TSPAN10: variants seen among roughly 807,000 people sequenced by gnomAD.
The protein encoded by TSPAN10 is tetraspanin 10, also known as tetraspanin-10.
TSPAN10 carries 11 observed loss-of-function variants against 15.0 expected under a neutral mutation model. The ratio of observed to expected loss-of-function variants is 0.73; its 90% CI spans 0.46 to 1.21. The LOEUF (loss-of-function observed/expected upper bound fraction) is 1.21. TSPAN10 is among the 50% of genes most tolerant of loss of function. The pLI is 0.00. For missense variants in TSPAN10, 486 were observed against 470.6 expected (o/e 1.03, Z -0.30); for synonymous variants, 241 against 226.2 (o/e 1.07, Z -0.59).
chr17:81,637,216 T>C (rs989368277), exon 1 of TSPAN10: 4 of 467,472 alleles, frequency 8.6e-6, no homozygotes, highest in African/African-American at 8.1e-5. Context: ...TCCCTGCAAC[T>C]GGAGGAGGGG....
intron 2 of TSPAN10, among the ~76,000 whole-genome samples, chr17:81,646,927 G>T: frequency 6.6e-6 from 1 of 151,738 alleles, no homozygotes; most frequent in East Asian, 2.0e-4. Flanking sequence ...TCACTGTAAA[G>T]AGGGTAGCTG....
chr17:81,644,696 C>T (rs544729284), intron 1 of TSPAN10, among the ~76,000 whole-genome samples: 1 of 152,342 alleles, frequency 6.6e-6, no homozygotes, highest in East Asian at 1.9e-4. Flanking sequence ...CACTGAGCAC[C>T]GCCCTGCTTG....
chr17:81,637,218 G>C (rs2036111303), exon 1 of TSPAN10: 1 of 483,068 alleles, frequency 2.1e-6, no homozygotes, highest in Non-Finnish European at 3.7e-6. Flanking sequence ...CCTGCAACTG[G>C]AGGAGGGGAT....
At chr17:81,645,691 G>C in intron 2 of TSPAN10, 62 bp downstream of exon 3, 1 of 1,588,572 alleles carries the variant, frequency 6.3e-7, no homozygotes, top group Non-Finnish European at 8.6e-7. Flanking sequence ...ACACACCCTT[G>C]TGCGTGTACA....
chr17:81,646,045 GCCAGGAGGA>G (rs1302507086), intron 2 of TSPAN10: 2 of 301,392 alleles, frequency 6.6e-6, no homozygotes, highest in Non-Finnish European at 1.2e-5. Context: ...CCCCGCCAGG[GCCAGGAGGA>G]CTACCCAGGA....
At chr17:81,648,055 G>A in exon 3 of TSPAN10, 3 of 1,577,240 alleles carry the variant, frequency 1.9e-6, no homozygotes, top group Non-Finnish European at 2.6e-6. Flanking sequence ...GGTGTACCTG[G>A]AGGGCTGCGG....
At chr17:81,642,537 C>A in intron 1 of TSPAN10, 89 bp downstream of exon 2, 1 of 1,364,348 alleles carries the variant, frequency 7.3e-7, no homozygotes, top group Non-Finnish European at 1.0e-6. Flanking sequence ...GGTTCACACC[C>A]ACCCCTGCCC....
At chr17:81,646,844 G>GGTTT (rs202083609) in intron 2 of TSPAN10, among the ~76,000 whole-genome samples, 1 of 60,942 alleles carries the variant, frequency 1.6e-5, no homozygotes, top group Non-Finnish European at 3.2e-5. Context: ...TCTTTTTGTT[G>GGTTT]GTTTGTTTGT....
At chr17:81,644,880 G>C in intron 1 of TSPAN10, 112 bp from the exon 3 acceptor site, 1 of 1,459,482 alleles carries the variant, frequency 6.9e-7, no homozygotes, top group African/African-American at 1.4e-5. Flanking sequence ...TCCGCCATCC[G>C]GCATCCTCCC....
At chr17:81,648,204 G>C in exon 3 of TSPAN10, 2 of 1,374,420 alleles carry the variant, frequency 1.5e-6, no homozygotes. Flanking sequence ...GGGGGGCGGC[G>C]TACGGCCCCG....
At chr17:81,641,038 G>A (rs145110111), upstream of TSPAN10, among the ~76,000 whole-genome samples, 3 of 152,058 alleles carry the variant, frequency 2.0e-5, no homozygotes, top group East Asian at 2.0e-4. Flanking sequence ...CAGGTGTGGC[G>A]CCTGCAATCC....
chr17:81,644,398 C>T (rs965792936), intron 1 of TSPAN10, among the ~76,000 whole-genome samples: 1 of 101,688 alleles, frequency 9.8e-6, no homozygotes, highest in African/African-American at 4.4e-5. Flanking sequence ...GTGCCGTGTC[C>T]ACACTCAGTG....
chr17:81,647,964 C>T (rs993787078), exon 3 of TSPAN10: 2 of 1,610,942 alleles, frequency 1.2e-6, no homozygotes, highest in East Asian at 2.2e-5. Flanking sequence ...GCTGCATCGA[C>T]CCCCGCGAAG....
intron 1 of TSPAN10, among the ~76,000 whole-genome samples, chr17:81,643,719 G>A (rs1265175856): frequency 6.6e-6 from 1 of 152,134 alleles, no homozygotes; most frequent in East Asian, 1.9e-4. Context: ...GGAGTTTGAG[G>A]CTGCAGTGAG....
exon 2 of TSPAN10, chr17:81,645,140 A>G (rs754286284): frequency 6.4e-7 from 1 of 1,573,396 alleles, no homozygotes; most frequent in Non-Finnish European, 8.6e-7. Flanking sequence ...GGCACCCCCA[A>G]GAAAGGACCA....
Position 81,647,963 on chromosome 17 carries a change from A to ATGGAG in TSPAN10, c.737_738insTGGAG (p.Pro247GlyfsTer?). 6.2e-7 allele frequency: 1 copy of ATGGAG among 1,610,344 alleles called. No homozygotes were observed. The highest frequency in any genetic ancestry group is 1.3e-5 in the African/African-American group (1 of 74,908). On this transcript the variant is annotated frameshift_variant, in exon 3 of 3. Coordinates refer to ENST00000611590, the Ensembl canonical transcript of TSPAN10. LOFTEE classifies it low-confidence loss of function (END_TRUNC). ...AGCCTTCCCGCCTCCTGCTGCATCG[A>ATGGAG]CCCCCGCGAAGATGGAGCCTCTGTC...
upstream of TSPAN10, among the ~76,000 whole-genome samples, chr17:81,641,706 A>C (rs558343111): frequency 2.1e-3 from 315 of 152,158 alleles, 5 homozygotes; most frequent in African/African-American, 7.4e-3. Flanking sequence ...ACTTGAGTCC[A>C]GGGGTTCAAG....
At chr17:81,641,889 C>CAAGG (rs1555691602), upstream of TSPAN10, among the ~76,000 whole-genome samples, 23 of 151,464 alleles carry the variant, frequency 1.5e-4, no homozygotes, top group Admixed American at 3.3e-4. Flanking sequence ...AAAACAAAAA[C>CAAGG]AAGGAGGTGA....
At chr17:81,638,812 C>T (rs961114256), upstream of TSPAN10, 2 of 152,018 alleles carry the variant, frequency 1.3e-5, no homozygotes, top group African/African-American at 2.4e-5. Context: ...ATATCTCAAG[C>T]GCTGATCTGT....
Sources: allele counts gnomAD v4.1 joint callset (sites outside exome capture counted in the v4.1 genomes callset), GRCh38; gene constraint gnomAD v4.1.1; transcripts MANE v1.5; gene names NCBI Gene and HGNC (gene_info 2026-07-23, HGNC 2026-07-21).